Variants in HS6ST2 observed in about 807,000 individuals in gnomAD.
HS6ST2 encodes heparan sulfate 6-O-sulfotransferase 2.
Under a neutral mutation model 33.0 loss-of-function variants are expected in HS6ST2, and 17 were observed. That is an observed-to-expected ratio of 0.52 (90% CI 0.35 to 0.77). The LOEUF (loss-of-function observed/expected upper bound fraction) is 0.77, where lower values mean the gene tolerates loss of function less well. HS6ST2 is among the 30% of genes least tolerant of loss of function. The probability of loss-of-function intolerance (pLI) is 0.01; values close to 1 mark genes in which losing one functional copy is unlikely to be tolerated. For synonymous variants in HS6ST2, 248 were observed against 237.1 expected (o/e 1.05, Z -0.42); for missense variants, 519 against 551.7 (o/e 0.94, Z 0.59).
intron 3 of HS6ST2, among the ~76,000 whole-genome samples, chrX:132,691,536 C>G (rs1306606416): frequency 1.8e-5 from 2 of 111,914 alleles, no homozygotes; most frequent in Non-Finnish European, 3.8e-5. Flanking sequence ...AAATTTGTTA[C>G]TATTTATTAC....
chrX:132,731,868 G>A (rs1207257804), intron 2 of HS6ST2, among the ~76,000 whole-genome samples: 1 of 108,376 alleles, frequency 9.2e-6, no homozygotes, highest in Non-Finnish European at 1.9e-5. Context: ...AAAAAAAAAA[G>A]GAAATTGGGG....
Position 132,817,801 on chromosome X carries a change from C to T in HS6ST2, c.948-109307G>A, listed in dbSNP as rs183224742. Among the ~76,000 whole-genome samples the T allele has an allele frequency of 1.9e-4, 21 of 112,056 alleles. No homozygotes were observed. In the East Asian group the frequency reaches 4.0e-3, roughly 21 times the overall value. On this transcript the variant is annotated intron_variant, in intron 2 of 4. Coordinates refer to ENST00000370833, the MANE Select transcript of HS6ST2 (RefSeq NM_001394073.1). ...GTCACTTATTAGCTTTATAACCTCT[C>T]TTAGTCTCAGTTTCCCCTTCTGTAA...
At chrX:132,750,238 G>T (rs1387115770) in intron 2 of HS6ST2, among the ~76,000 whole-genome samples, 2 of 109,204 alleles carry the variant, frequency 1.8e-5, no homozygotes, top group Non-Finnish European at 3.8e-5. Flanking sequence ...CAATTGCAGT[G>T]CCTGGTACAA....
At chrX:132,703,500 A>G (rs780450728) in intron 3 of HS6ST2, among the ~76,000 whole-genome samples, 6 of 112,460 alleles carry the variant, frequency 5.3e-5, no homozygotes, top group Non-Finnish European at 1.1e-4. Context: ...GAATGGGACC[A>G]TTCTTCTGCA....
At chrX:132,910,493 G>A (rs1047347718) in intron 2 of HS6ST2, among the ~76,000 whole-genome samples, 1 of 111,940 alleles carries the variant, frequency 8.9e-6, no homozygotes, top group Admixed American at 9.5e-5. Context: ...TTCTTTCAAA[G>A]AGCATGATTT....
At chrX:132,763,743 T>G (rs945091136) in intron 2 of HS6ST2, among the ~76,000 whole-genome samples, 1 of 112,101 alleles carries the variant, frequency 8.9e-6, no homozygotes, top group Non-Finnish European at 1.9e-5. Context: ...CACACAAGAC[T>G]TAGAGGCTGC....
intron 2 of HS6ST2, among the ~76,000 whole-genome samples, chrX:132,861,324 T>C (rs2065908993): frequency 8.9e-6 from 1 of 112,256 alleles, no homozygotes. Flanking sequence ...TAGGGCTAAC[T>C]CTATAAATTA....
At chrX:132,781,295 G>C (rs1569490275) in intron 2 of HS6ST2, among the ~76,000 whole-genome samples, 1 of 111,928 alleles carries the variant, frequency 8.9e-6, no homozygotes, top group Non-Finnish European at 1.9e-5. Context: ...AGGTATAAAG[G>C]AAGATTCTAA....
intron 2 of HS6ST2, among the ~76,000 whole-genome samples, chrX:132,872,154 C>T (rs1031761836): frequency 1.8e-5 from 2 of 111,293 alleles, no homozygotes; most frequent in Admixed American, 9.6e-5. Context: ...GGAAGATCTC[C>T]AAATGATTCA....
At chrX:132,753,450 C>A (rs1322511704) in intron 2 of HS6ST2, among the ~76,000 whole-genome samples, 1 of 110,947 alleles carries the variant, frequency 9.0e-6, no homozygotes, top group Non-Finnish European at 1.9e-5. Context: ...GGGGCCGTTC[C>A]CCCCATACTG....
intron 4 of HS6ST2, among the ~76,000 whole-genome samples, chrX:132,661,863 C>T (rs180997533): frequency 6.7e-4 from 74 of 110,929 alleles, no homozygotes; most frequent in African/African-American, 2.4e-3. Context: ...GACCCCATCT[C>T]TACAAAAAAA....
upstream of HS6ST2, among the ~76,000 whole-genome samples, chrX:132,959,989 A>G (rs1042278308): frequency 8.9e-6 from 1 of 111,816 alleles, no homozygotes; most frequent in Non-Finnish European, 1.9e-5. Flanking sequence ...CCTACTGGGG[A>G]CCGTGAGGGA....
At chrX:132,918,081 T>G (rs1234692415) in intron 2 of HS6ST2, among the ~76,000 whole-genome samples, 1 of 112,644 alleles carries the variant, frequency 8.9e-6, no homozygotes, top group South Asian at 3.7e-4. Context: ...TAAACAGCAG[T>G]GCTAGTGATT....
At chrX:132,770,831 G>A (rs2064891325) in intron 2 of HS6ST2, among the ~76,000 whole-genome samples, 2 of 111,500 alleles carry the variant, frequency 1.8e-5, no homozygotes, top group Non-Finnish European at 3.8e-5. Flanking sequence ...CCATAAAAAT[G>A]TGTATACCCT....
At chrX:132,827,605 A>G (rs1179643894) in intron 2 of HS6ST2, among the ~76,000 whole-genome samples, 1 of 111,546 alleles carries the variant, frequency 9.0e-6, no homozygotes, top group African/African-American at 3.3e-5. Context: ...GGAGATTTAT[A>G]TAGATCAACC....
intron 2 of HS6ST2, among the ~76,000 whole-genome samples, chrX:132,864,850 A>G (rs1394962730): frequency 9.0e-6 from 1 of 111,633 alleles, no homozygotes; most frequent in Non-Finnish European, 1.9e-5. Flanking sequence ...TGTTAAGGGC[A>G]GCCAGAAAGA....
In HS6ST2 at chrX:132,637,892, TTA is replaced by T. The variant is rs1327490696; in HGVS notation, c.1068-8801_1068-8800del. Among the ~76,000 whole-genome samples the T allele has an allele frequency of 8.5e-3, 465 of 54,437 alleles. 3 individuals are homozygous for T. The highest frequency in any genetic ancestry group is 0.016 in the Middle Eastern group (2 of 128). 47.3% of individuals were successfully genotyped at this position (54,437 alleles called of 115,157 possible). ...TTATATATAATATATATATAATATT[TTA>T]TATATAATATTATATATAATATTTT... On this transcript the variant is annotated intron_variant, in intron 4 of 4. Coordinates refer to ENST00000370833, the MANE Select transcript of HS6ST2 (RefSeq NM_001394073.1).
chrX:132,792,130 T>C (rs1219119393), intron 2 of HS6ST2, among the ~76,000 whole-genome samples: 1 of 112,634 alleles, frequency 8.9e-6, no homozygotes, highest in Non-Finnish European at 1.9e-5. Flanking sequence ...TGAATTAGGA[T>C]TTGTCAGGTC....
chrX:132,941,038 C>T lies in HS6ST2; in HGVS notation c.947+15770G>A, dbSNP rs141567295. On this transcript the variant is annotated intron_variant, in intron 2 of 4. Coordinates refer to ENST00000370833, the MANE Select transcript of HS6ST2 (RefSeq NM_001394073.1). ...TTCCTACAATGAATAATGGTTACAT[C>T]ACCATGATTTAAAGCAAAACAAACA... Among the ~76,000 whole-genome samples, 1,134 of 111,990 alleles carry T rather than the reference C, an allele frequency of 0.01. 24 individuals are homozygous for T. The East Asian group carries it at 0.1, about 10-fold the overall frequency.
Sources: allele counts gnomAD v4.1 joint callset (sites outside exome capture counted in the v4.1 genomes callset), GRCh38; gene constraint gnomAD v4.1.1; transcripts MANE v1.5; gene names NCBI Gene and HGNC (gene_info 2026-07-23, HGNC 2026-07-21).